The following NENF variants were observed in gnomAD, a reference collection of about 807,000 sequenced individuals.
NENF encodes neudesin neurotrophic factor.
Under a neutral mutation model 14.8 loss-of-function variants are expected in NENF, and 6 were observed. The ratio of observed to expected loss-of-function variants is 0.40; its 90% confidence interval spans 0.22 to 0.80. The LOEUF is 0.80. Among genes scored for constraint, NENF ranks in the 30% least tolerant of loss-of-function variants. The probability of loss-of-function intolerance (pLI) is 0.34; values close to 1 mark genes in which losing one functional copy is unlikely to be tolerated. For synonymous variants in NENF, 76 were observed against 95.1 expected, an observed-to-expected ratio of 0.80 and a Z score of 1.17; for missense variants, 184 against 212.7, an observed-to-expected ratio of 0.87 and a Z score of 0.84.
chr1:212,442,570 T>G lies in NENF; in HGVS notation c.183T>G (p.Asp61Glu). 1.2e-6 allele frequency: 2 copies of G among 1,612,934 alleles called. No individual in the cohort carries two copies. The highest frequency in any genetic ancestry group is 1.7e-4 in the Middle Eastern group (1 of 6,052). The change falls in exon 2 of 4, where the codon GAT becomes GAG. Residue 61 changes from aspartate (D) to glutamate (E), a missense_variant. By Grantham distance (45) the Asp-to-Glu change is conservative. Transcript: ENST00000366988. ...GCTTCTCCCCTGCTTTCTAGGAAGATCAGCCCATCTACTTGGCAGTGAAGG... is the reference window on the plus strand; with the variant it reads ...GCTTCTCCCCTGCTTTCTAGGAAGAGCAGCCCATCTACTTGGCAGTGAAGG... ...ELARYGGEEEDQPIYLAVKGV... is the reference protein window; with the variant it reads ...ELARYGGEEEEQPIYLAVKGV...
chr1:212,443,118 A>G (rs1405886819), intron 2 of NENF, among the ~76,000 whole-genome samples: 2 of 152,192 alleles, frequency 1.3e-5, no homozygotes, highest in Non-Finnish European at 2.9e-5. Flanking sequence ...TTCCCCTGAT[A>G]ATGACATGCT....
intron 1 of NENF, among the ~76,000 whole-genome samples, chr1:212,434,299 G>T (rs1662570535): frequency 6.6e-6 from 1 of 152,184 alleles, no homozygotes; most frequent in Admixed American, 6.5e-5. Context: ...TGGCAGGCCT[G>T]CTCTCCTTAG....
chr1:212,436,720 T>C (rs1339870197), intron 1 of NENF, among the ~76,000 whole-genome samples: 1 of 152,156 alleles, frequency 6.6e-6, no homozygotes, highest in Non-Finnish European at 1.5e-5. Flanking sequence ...GAGTATTTGA[T>C]TGAATAACTG....
At chr1:212,441,973 A>G (rs1415309991) in intron 1 of NENF, among the ~76,000 whole-genome samples, 3 of 152,212 alleles carry the variant, frequency 2.0e-5, no homozygotes, top group East Asian at 1.9e-4. Flanking sequence ...ATCATTTACT[A>G]TTCTTTTGAA....
In NENF at chr1:212,446,168, G is replaced by A; in HGVS notation, c.*162G>A. ...AAATGCCTCCTGTTGTCCTTGGTCA[G>A]GGGTTCTGTCTACCTGGGGACCCCT... On this transcript the variant is annotated 3_prime_UTR_variant, in exon 4 of 4. Transcript: ENST00000366988. 1 of 701,960 alleles carries A rather than the reference G, an allele frequency of 1.4e-6. No individual in the cohort carries two copies. The highest frequency in any genetic ancestry group is 2.0e-5 in the South Asian group (1 of 50,864). The allele number at this position is 701,960 out of a possible 1,614,324, so 43.5% of individuals were successfully genotyped here.
intron 2 of NENF, 84 bp from the exon 3 acceptor site, chr1:212,444,255 C>A: frequency 1.2e-6 from 1 of 827,518 alleles, no homozygotes; most frequent in Non-Finnish European, 1.8e-6. Context: ...TGGGTGCGGG[C>A]CTTGGGAGCG....
chr1:212,438,033 T>G (rs749915038), intron 1 of NENF, among the ~76,000 whole-genome samples: 1 of 152,144 alleles, frequency 6.6e-6, no homozygotes, highest in Non-Finnish European at 1.5e-5. Context: ...CCTTGGTGCT[T>G]CTTTAGAACT....
At chr1:212,437,521 A>T (rs1662627955) in intron 1 of NENF, among the ~76,000 whole-genome samples, 1 of 152,014 alleles carries the variant, frequency 6.6e-6, no homozygotes, top group Non-Finnish European at 1.5e-5. Context: ...CTTCTACTAG[A>T]TATAAAAAAA....
Position 212,445,873 on chromosome 1 carries a change from T to C in NENF, c.386T>C (p.Phe129Ser). 1 of 1,614,160 alleles carries C rather than the reference T, an allele frequency of 6.2e-7. No homozygotes were observed. Among genetic ancestry groups the C allele is most frequent in the Non-Finnish European group, 8.5e-7 (1 of 1,180,028 alleles). The change falls in exon 4 of 4, where the codon TTC becomes TCC. Residue 129 changes from phenylalanine to serine, a missense_variant. Coordinates refer to ENST00000366988, the MANE Select transcript of NENF (RefSeq NM_013349.5). ...GAACTGGAGGCCCTGGATGAGGTCTTCACCAAAGTGTACAAAGCCAAATAC... is the reference window on the plus strand; with the variant it reads ...GAACTGGAGGCCCTGGATGAGGTCTCCACCAAAGTGTACAAAGCCAAATAC... ...AKELEALDEV[F>S]TKVYKAKYPI...
In NENF at chr1:212,445,876, C is replaced by T. The variant is rs1346116960; in HGVS notation, c.389C>T (p.Thr130Ile). 4 of 1,614,150 alleles carry T rather than the reference C, an allele frequency of 2.5e-6. No homozygotes were observed. In the South Asian group the frequency reaches 3.3e-5, roughly 13 times the overall value. Reference protein sequence around the residue: ...KELEALDEVFTKVYKAKYPIV... With the variant: ...KELEALDEVFIKVYKAKYPIV... ...CTGGAGGCCCTGGATGAGGTCTTCA[C>T]CAAAGTGTACAAAGCCAAATACCCC... is the stretch of plus-strand genomic sequence containing the variant. The change falls in exon 4 of 4, where the codon ACC becomes ATC. Residue 130 changes from threonine (T) to isoleucine (I), a missense_variant. Transcript: ENST00000366988.
intron 3 of NENF, among the ~76,000 whole-genome samples, 188 bp downstream of exon 3, chr1:212,444,630 G>A (rs1462768401): frequency 1.3e-5 from 2 of 150,836 alleles, no homozygotes; most frequent in African/African-American, 4.9e-5. Context: ...TTGGTATGGT[G>A]GCCAGGCATT....
At chr1:212,434,867 A>G (rs1156368270) in intron 1 of NENF, 1 of 136,402 alleles carries the variant, frequency 7.3e-6, no homozygotes, top group Non-Finnish European at 1.5e-5. Context: ...TTGAAATTTA[A>G]CTGAGAGAGA....
At chr1:212,441,457 C>G (rs1021675806) in intron 1 of NENF, among the ~76,000 whole-genome samples, 1 of 152,024 alleles carries the variant, frequency 6.6e-6, no homozygotes, top group Non-Finnish European at 1.5e-5. Context: ...AGAAAGCTAG[C>G]TAAACAAATA....
intron 1 of NENF, among the ~76,000 whole-genome samples, chr1:212,435,423 A>G (rs1662587744): frequency 6.6e-6 from 1 of 151,976 alleles, no homozygotes; most frequent in South Asian, 2.1e-4. Context: ...GTCATGGTGC[A>G]CTAGAGCCTG....
chr1:212,444,047 C>CAA (rs201054525), intron 2 of NENF, among the ~76,000 whole-genome samples: 8 of 150,452 alleles, frequency 5.3e-5, no homozygotes, highest in African/African-American at 1.7e-4. Flanking sequence ...GAGACCCTGT[C>CAA]AAAAAAAAAC....
Position 212,433,209 on chromosome 1 carries a change from A to C in NENF, c.177+89A>C. ...GGGACCCAGGAGGCGCCGGCGGCCCAGGAAGCTCTGGGGGACGCGCGGCCC... is the reference window on the plus strand; with the variant it reads ...GGGACCCAGGAGGCGCCGGCGGCCCCGGAAGCTCTGGGGGACGCGCGGCCC... On this transcript the variant is annotated intron_variant, in intron 1 of 3. Transcript: ENST00000366988. The surrounding 1 kb of genome is among the most constrained non-coding windows in gnomAD (Gnocchi z 5.5). The C allele has an allele frequency of 1.1e-6, 1 of 889,498 alleles. No homozygotes were observed. The highest frequency in any genetic ancestry group is 4.9e-5 in the East Asian group (1 of 20,472). 55.1% of individuals were successfully genotyped at this position (889,498 alleles called of 1,614,324 possible).
At position 212,446,303 on chromosome 1, in the gene NENF, G is replaced by T; in HGVS notation, c.*297G>T. On this transcript the variant is annotated 3_prime_UTR_variant, in exon 4 of 4. Transcript: ENST00000366988. ...CGACCTTTACTTTATACTTTTCTGT[G>T]CTTGACAGATTTTCAGCCATGACCA... The T allele has an allele frequency of 3.3e-6, 1 of 303,652 alleles. No individual in the cohort carries two copies. The highest frequency in any genetic ancestry group is 6.1e-6 in the Non-Finnish European group (1 of 164,990). The allele number at this position is 303,652 out of a possible 1,614,324, so 18.8% of individuals were successfully genotyped here.
chr1:212,441,572 G>T (rs1315592477), intron 1 of NENF, among the ~76,000 whole-genome samples: 1 of 152,092 alleles, frequency 6.6e-6, no homozygotes, highest in African/African-American at 2.4e-5. Flanking sequence ...ATCACCTGAG[G>T]TCAGGAGTTC....
At chr1:212,436,398 C>T (rs1412063811) in intron 1 of NENF, among the ~76,000 whole-genome samples, 1 of 151,216 alleles carries the variant, frequency 6.6e-6, no homozygotes, top group Non-Finnish European at 1.5e-5. Flanking sequence ...GCAACCTCCG[C>T]CTCCCATGTT....
Sources: allele counts gnomAD v4.1 joint callset (sites outside exome capture counted in the v4.1 genomes callset), GRCh38; gene constraint gnomAD v4.1.1; non-coding constraint Gnocchi (gnomAD v3.1); transcripts MANE v1.5; gene names NCBI Gene and HGNC (gene_info 2026-07-23, HGNC 2026-07-21).